NELL2: variants seen among roughly 807,000 people sequenced by gnomAD.
NELL2 encodes protein kinase C-binding protein NELL2.
Under a neutral mutation model 109.6 loss-of-function variants are expected in NELL2, and 41 were observed. That is an observed-to-expected ratio of 0.37 (90% CI 0.29 to 0.49). The LOEUF is 0.49. NELL2 is among the 20% of genes least tolerant of loss of function. The pLI is 0.98. For missense variants in NELL2, 900 were observed against 1,008.3 expected (o/e 0.89, Z 1.45); for synonymous variants, 355 against 344.7 (o/e 1.03, Z -0.33).
At chr12:44,754,551 G>A (rs929839973) in intron 9 of NELL2, among the ~76,000 whole-genome samples, 5 of 152,036 alleles carry the variant, frequency 3.3e-5, no homozygotes, top group African/African-American at 1.2e-4. Flanking sequence ...TTTTAACCTA[G>A]ACCACAGTCC....
At chr12:44,881,184 T>C (rs1285779043), upstream of NELL2, among the ~76,000 whole-genome samples, 1 of 151,990 alleles carries the variant, frequency 6.6e-6, no homozygotes, top group Admixed American at 6.6e-5. Flanking sequence ...AAATTCAGAG[T>C]TTTATAACTT....
intron 1 of NELL2, among the ~76,000 whole-genome samples, chr12:44,881,539 T>C (rs920279794): frequency 6.6e-6 from 1 of 151,686 alleles, no homozygotes; most frequent in Non-Finnish European, 1.5e-5. Flanking sequence ...ATGAAAATGA[T>C]AAAGGAAAGA....
intron 16 of NELL2, among the ~76,000 whole-genome samples, chr12:44,524,335 G>C (rs979784573): frequency 1.3e-5 from 2 of 152,084 alleles, no homozygotes; most frequent in Non-Finnish European, 2.9e-5. Flanking sequence ...GTAATTTAAA[G>C]GTCACAAGCC....
intron 2 of NELL2, among the ~76,000 whole-genome samples, chr12:44,826,250 A>G (rs1943707490): frequency 1.3e-5 from 2 of 152,160 alleles, no homozygotes; most frequent in South Asian, 4.1e-4. Context: ...CAGACTAATA[A>G]AAATACAATG....
Position 44,610,586 on chromosome 12 carries a change from A to G in NELL2, c.1567+262T>C, listed in dbSNP as rs541748953. 9.2e-5 allele frequency among the ~76,000 whole-genome samples: 14 copies of G among 152,094 alleles called. No individual in the cohort carries two copies. In the East Asian group the frequency reaches 1.9e-3, roughly 21 times the overall value. On this transcript the variant is annotated intron_variant, in intron 14 of 19. Coordinates refer to ENST00000429094, the MANE Select transcript of NELL2 (RefSeq NM_001145108.2). ...GTGGTGATGGGTGTGGGTTTGATAGAAAGGAACAGAGATGAAAACCACTGT... is the reference window on the plus strand; with the variant it reads ...GTGGTGATGGGTGTGGGTTTGATAGGAAGGAACAGAGATGAAAACCACTGT...
intron 13 of NELL2, among the ~76,000 whole-genome samples, chr12:44,612,907 A>G (rs2136255850): frequency 6.6e-6 from 1 of 152,154 alleles, no homozygotes; most frequent in African/African-American, 2.4e-5. Flanking sequence ...AATGTTCAAT[A>G]AACGCTAAAT....
intron 8 of NELL2, among the ~76,000 whole-genome samples, chr12:44,775,521 C>A (rs1284669988): frequency 6.6e-6 from 1 of 152,134 alleles, no homozygotes; most frequent in Non-Finnish European, 1.5e-5. Context: ...CATTAGCGAG[C>A]AATTAGCAAA....
chr12:44,712,689 T>C (rs1385692364), intron 10 of NELL2, among the ~76,000 whole-genome samples: 1 of 151,992 alleles, frequency 6.6e-6, no homozygotes, highest in Non-Finnish European at 1.5e-5. Context: ...TATGATGATC[T>C]GATAGAGCTG....
intron 3 of NELL2, among the ~76,000 whole-genome samples, chr12:44,783,336 G>C (rs1282040910): frequency 6.6e-6 from 1 of 150,804 alleles, no homozygotes; most frequent in Non-Finnish European, 1.5e-5. Context: ...AAAAGGAAGG[G>C]CAAAATAAAC....
At chr12:44,846,655 A>C (rs761916527) in intron 2 of NELL2, among the ~76,000 whole-genome samples, 1 of 152,212 alleles carries the variant, frequency 6.6e-6, no homozygotes, top group African/African-American at 2.4e-5. Flanking sequence ...TTCCATTGTA[A>C]GCAACTGAAC....
chr12:44,816,098 C>G lies in NELL2; in HGVS notation c.223G>C (p.Glu75Gln). The G allele has an allele frequency of 1.2e-6, 2 of 1,612,692 alleles. No individual in the cohort carries two copies. The highest frequency in any genetic ancestry group is 1.7e-6 in the Non-Finnish European group (2 of 1,179,574). Residue 75 changes from glutamate to glutamine, a missense_variant, in exon 3 of 20, where the codon GAA (glutamate) becomes CAA (glutamine). By Grantham distance (29) the Glu-to-Gln change is conservative. Coordinates refer to ENST00000429094, the MANE Select transcript of NELL2 (RefSeq NM_001145108.2). ...TTTCTCAGCTTCTGAAAAAACTGTTCAGCTGTAGCAGTGGATGCTTTTATG... is the reference window on the plus strand; with the variant it reads ...TTTCTCAGCTTCTGAAAAAACTGTTGAGCTGTAGCAGTGGATGCTTTTATG... Reference protein sequence around the residue: ...RSIKASTATAEQFFQKLRNKH... With the variant: ...RSIKASTATAQQFFQKLRNKH...
At chr12:44,653,579 T>C (rs60747297) in intron 13 of NELL2, among the ~76,000 whole-genome samples, 1,529 of 152,252 alleles carry the variant, frequency 0.01, 25 homozygotes, top group African/African-American at 0.034. Context: ...TTAATGGTAA[T>C]GAATTTTTGA....
intron 9 of NELL2, among the ~76,000 whole-genome samples, chr12:44,723,308 T>C (rs1180693715): frequency 2.0e-5 from 3 of 152,114 alleles, no homozygotes; most frequent in African/African-American, 4.8e-5. Flanking sequence ...TTGACAACTA[T>C]TTTACTATGC....
chr12:44,773,361 G>A (rs10880681), intron 9 of NELL2, among the ~76,000 whole-genome samples: 30,364 of 151,824 alleles, frequency 0.2, 3,283 homozygotes, highest in South Asian at 0.28. Flanking sequence ...CTGTAGTCCC[G>A]ACTACTCAGG....
chr12:44,697,207 C>A (rs1310377656), intron 12 of NELL2, among the ~76,000 whole-genome samples: 1 of 152,098 alleles, frequency 6.6e-6, no homozygotes, highest in Non-Finnish European at 1.5e-5. Flanking sequence ...CATTTAAGAA[C>A]CACTAAAAAA....
intron 1 of NELL2, among the ~76,000 whole-genome samples, chr12:44,897,813 G>C (rs1219023275): frequency 6.6e-6 from 1 of 151,760 alleles, no homozygotes; most frequent in Non-Finnish European, 1.5e-5. Flanking sequence ...GAGCCAAGTG[G>C]ACTTGCTCAG....
At chr12:44,560,400 G>A (rs1423011273) in intron 15 of NELL2, among the ~76,000 whole-genome samples, 1 of 152,046 alleles carries the variant, frequency 6.6e-6, no homozygotes, top group Admixed American at 6.5e-5. Context: ...CTGGTTTTTT[G>A]AAAAGATAAA....
At chr12:44,753,303 T>C (rs1391217105) in intron 9 of NELL2, among the ~76,000 whole-genome samples, 2 of 152,294 alleles carry the variant, frequency 1.3e-5, no homozygotes, top group East Asian at 1.9e-4. Flanking sequence ...AGGCCAGATA[T>C]TTCTATCACT....
intron 3 of NELL2, among the ~76,000 whole-genome samples, chr12:44,815,166 T>C (rs1943300770): frequency 6.6e-6 from 1 of 152,176 alleles, no homozygotes; most frequent in Admixed American, 6.5e-5. Flanking sequence ...TCAAGTATCA[T>C]GAATGACTTT....
Sources: allele counts gnomAD v4.1 joint callset (sites outside exome capture counted in the v4.1 genomes callset), GRCh38; gene constraint gnomAD v4.1.1; transcripts MANE v1.5; gene names NCBI Gene and HGNC (gene_info 2026-07-23, HGNC 2026-07-21).